The following SIL1 variants were observed in gnomAD, a reference collection of about 807,000 sequenced individuals.
SIL1 encodes nucleotide exchange factor SIL1.
In SIL1, 40 loss-of-function variants were observed where a neutral mutation model predicts 49.1. The observed-to-expected ratio is 0.81, with a 90% CI of 0.63 to 1.06. The LOEUF (loss-of-function observed/expected upper bound fraction) is 1.06. Among genes scored for constraint, SIL1 ranks in the 50% least tolerant of loss-of-function variants. SIL1 has a pLI of 0.00. For synonymous variants in SIL1, 253 were observed against 250.8 expected (o/e 1.01, Z -0.08); for missense variants, 500 against 572.6 (o/e 0.87, Z 1.29).
At chr5:139,046,488 T>C (rs1024245082) in intron 4 of SIL1, among the ~76,000 whole-genome samples, 1 of 152,240 alleles carries the variant, frequency 6.6e-6, no homozygotes, top group Non-Finnish European at 1.5e-5. Flanking sequence ...ATAGTCACCT[T>C]GATCATTTTC....
intron 7 of SIL1, among the ~76,000 whole-genome samples, chr5:138,980,058 C>A (rs904057826): frequency 6.6e-6 from 1 of 152,200 alleles, no homozygotes; most frequent in African/African-American, 2.4e-5. Flanking sequence ...AGCAACACCC[C>A]CAAAGGGGGC....
intron 1 of SIL1, among the ~76,000 whole-genome samples, chr5:139,161,935 G>A (rs1230024613): frequency 6.6e-6 from 1 of 151,826 alleles, no homozygotes; most frequent in Admixed American, 6.6e-5. Context: ...ATCATCTGAG[G>A]CTGGGAAGTG....
chr5:138,988,736 G>A (rs1021541096), intron 7 of SIL1, among the ~76,000 whole-genome samples: 52 of 152,232 alleles, frequency 3.4e-4, no homozygotes, highest in African/African-American at 1.2e-3. Context: ...GGCCAGGCAT[G>A]GTGGTACGTA....
At chr5:138,987,687 TACTAC>T (rs1248661787) in intron 7 of SIL1, among the ~76,000 whole-genome samples, 1 of 152,172 alleles carries the variant, frequency 6.6e-6, no homozygotes, top group African/African-American at 2.4e-5. Context: ...GGAGCCCTCT[TACTAC>T]ACCCATCTCA....
intron 3 of SIL1, among the ~76,000 whole-genome samples, chr5:139,112,591 A>C (rs1256924114): frequency 7.1e-6 from 1 of 140,828 alleles, no homozygotes; most frequent in Non-Finnish European, 1.5e-5. Context: ...CTGGGAAGTG[A>C]GGAGTGTCTC....
At chr5:139,103,530 T>A (rs1770637257) in intron 3 of SIL1, among the ~76,000 whole-genome samples, 1 of 152,238 alleles carries the variant, frequency 6.6e-6, no homozygotes, top group African/African-American at 2.4e-5. Flanking sequence ...GCTAATGCAG[T>A]TGTTGGAGAC....
intron 7 of SIL1, among the ~76,000 whole-genome samples, chr5:138,966,246 C>T (rs1767135686): frequency 6.6e-6 from 1 of 152,138 alleles, no homozygotes; most frequent in Admixed American, 6.5e-5. Flanking sequence ...GAGAAAACCA[C>T]TAAAATGGCA....
chr5:138,950,816 G>A (rs934271698), intron 9 of SIL1, among the ~76,000 whole-genome samples: 7 of 152,170 alleles, frequency 4.6e-5, no homozygotes, highest in Non-Finnish European at 8.8e-5. Flanking sequence ...AGTGCCATTC[G>A]AAGGAGCTCT....
At chr5:139,011,854 T>TA (rs1180630950) in intron 7 of SIL1, among the ~76,000 whole-genome samples, 14 of 152,010 alleles carry the variant, frequency 9.2e-5, no homozygotes, top group Admixed American at 1.3e-4. Context: ...AACTACGTTT[T>TA]AAAAAAAACC....
chr5:139,144,008 G>A (rs1211953270), intron 1 of SIL1, among the ~76,000 whole-genome samples: 1 of 152,174 alleles, frequency 6.6e-6, no homozygotes, highest in Non-Finnish European at 1.5e-5. Context: ...TCAAAGATAT[G>A]ATATTGCTAA....
chr5:139,153,795 T>C (rs1326359376), intron 1 of SIL1, among the ~76,000 whole-genome samples: 1 of 152,220 alleles, frequency 6.6e-6, no homozygotes, highest in Non-Finnish European at 1.5e-5. Context: ...GTATGATAAG[T>C]GTCATAACGG....
chr5:139,040,498 C>CT (rs11312366), intron 5 of SIL1, among the ~76,000 whole-genome samples: 10 of 105,316 alleles, frequency 9.5e-5, no homozygotes, highest in African/African-American at 1.5e-4. Context: ...TTTCTTTTTT[C>CT]TTTTTTTTTT....
At chr5:139,098,353 T>TC (rs1770514248) in intron 3 of SIL1, among the ~76,000 whole-genome samples, 1 of 152,214 alleles carries the variant, frequency 6.6e-6, no homozygotes, top group Non-Finnish European at 1.5e-5. Context: ...ATAGATGGTC[T>TC]CTTCAATAAA....
intron 2 of SIL1, 125 bp from the exon 3 acceptor site, chr5:139,121,298 G>A (rs1368976342): frequency 7.5e-7 from 1 of 1,340,918 alleles, no homozygotes; most frequent in African/African-American, 1.5e-5. Context: ...GATATGTCTG[G>A]ACACTCGCAA....
At chr5:139,089,026 T>G (rs1770286571) in intron 3 of SIL1, among the ~76,000 whole-genome samples, 1 of 152,092 alleles carries the variant, frequency 6.6e-6, no homozygotes, top group South Asian at 2.1e-4. Context: ...TTACCAAAAG[T>G]TTTTCAAATT....
At chr5:139,114,117 C>T (rs1030535161) in intron 3 of SIL1, among the ~76,000 whole-genome samples, 5 of 152,204 alleles carry the variant, frequency 3.3e-5, no homozygotes, top group Non-Finnish European at 7.3e-5. Context: ...CTGTCCCATC[C>T]GGGTAATGAA....
At chr5:139,074,637 T>A (rs1356438691) in intron 3 of SIL1, among the ~76,000 whole-genome samples, 1 of 152,178 alleles carries the variant, frequency 6.6e-6, no homozygotes, top group Non-Finnish European at 1.5e-5. Flanking sequence ...CCAGCCAATC[T>A]GACCCTCAAG....
At chr5:138,966,078 A>C (rs572874896) in intron 7 of SIL1, among the ~76,000 whole-genome samples, 1 of 152,176 alleles carries the variant, frequency 6.6e-6, no homozygotes, top group African/African-American at 2.4e-5. Flanking sequence ...TTACTTCATG[A>C]GGCTACCGAG....
At chr5:139,005,030 G>C (rs991179802) in intron 7 of SIL1, among the ~76,000 whole-genome samples, 1 of 152,108 alleles carries the variant, frequency 6.6e-6, no homozygotes, top group East Asian at 1.9e-4. Context: ...AATTTCAGAT[G>C]GACAGGAGGA....
Sources: gnomAD v4.1 joint callset for allele counts (sites outside exome capture counted in the v4.1 genomes callset) on GRCh38, gnomAD v4.1.1 for gene constraint, MANE v1.5 for transcripts, NCBI Gene and HGNC (gene_info 2026-07-23, HGNC 2026-07-21) for gene names.